The following GPLD1 variants were observed in gnomAD, a reference collection of about 807,000 sequenced individuals.
GPLD1 encodes glycosylphosphatidylinositol specific phospholipase D1, also known as phosphatidylinositol-glycan-specific phospholipase D.
GPLD1 carries 84 observed loss-of-function variants against 112.6 expected under a neutral mutation model. That is an observed-to-expected ratio of 0.75 (90% CI 0.63 to 0.89). The LOEUF (loss-of-function observed/expected upper bound fraction) is 0.89. Among genes scored for constraint, GPLD1 ranks in the 40% least tolerant of loss-of-function variants. The pLI, the probability that GPLD1 is intolerant of heterozygous loss-of-function variation, is 0.00. For synonymous variants in GPLD1, 386 were observed against 403.8 expected (o/e 0.96, Z 0.53); for missense variants, 1,044 against 1,051.5 (o/e 0.99, Z 0.10).
chr6:24,462,664 C>T, intron 11 of GPLD1, 66 bp downstream of exon 11: 4 of 1,008,456 alleles, frequency 4.0e-6, no homozygotes, highest in Non-Finnish European at 4.8e-6. Context: ...GTGTTCTCAA[C>T]CTCTATAGGG....
intron 22 of GPLD1, among the ~76,000 whole-genome samples, chr6:24,435,214 T>C (rs1762531873): frequency 6.6e-6 from 1 of 151,664 alleles, no homozygotes; most frequent in Non-Finnish European, 1.5e-5. Flanking sequence ...GGTTTCACAG[T>C]GTTAGCCAGG....
chr6:24,431,694 C>T (rs111814928), intron 24 of GPLD1, among the ~76,000 whole-genome samples: 17,196 of 151,762 alleles, frequency 0.11, 1,320 homozygotes, highest in East Asian at 0.15. Flanking sequence ...ACCACCACGC[C>T]GGGCTATTTT....
rs770856721 is a variant in GPLD1 at position 24,460,307 on chromosome 6, A to T, written c.980T>A (p.Val327Glu). 1.2e-5 allele frequency: 19 copies of T among 1,613,174 alleles called. No individual in the cohort carries two copies. The highest frequency in any genetic ancestry group is 1.6e-5 in the Non-Finnish European group (19 of 1,179,588). ...DRNINYTERGVFFSVNSWTPD... is the reference protein window; with the variant it reads ...DRNINYTERGEFFSVNSWTPD... Reference sequence around the variant, plus strand: ...GGTCCAGGAATTTACACTAAAGAACACTCCTCTTTCAGTATAGTTTATATT... The same window carrying T: ...GGTCCAGGAATTTACACTAAAGAACTCTCCTCTTTCAGTATAGTTTATATT... The change falls in exon 12 of 25, where the codon GTG (valine) becomes GAG (glutamate). Residue 327 changes from valine (V) to glutamate (E), a missense_variant. Transcript: ENST00000230036.
In GPLD1 at chr6:24,436,713, G is replaced by C; in HGVS notation, c.2221C>G (p.Leu741Val). 1 of 1,613,840 alleles carries C rather than the reference G, an allele frequency of 6.2e-7. No individual in the cohort carries two copies. The highest frequency in any genetic ancestry group is 1.1e-5 in the South Asian group (1 of 91,010). ...GLDEIIMAAP[L>V]RIADVTSGLI... ...CCAGAGGTTACATCTGCTATCCTCA[G>C]GGGGGCTGCCATGATGATTTCATCT... The change falls in exon 22 of 25, where the codon CTG becomes GTG. Residue 741 changes from leucine (L) to valine (V), a missense_variant. Transcript: ENST00000230036.
intron 10 of GPLD1, among the ~76,000 whole-genome samples, chr6:24,465,924 C>G (rs1318613072): frequency 6.6e-6 from 1 of 152,102 alleles, no homozygotes; most frequent in Non-Finnish European, 1.5e-5. Context: ...GGTGAGGTAT[C>G]CTTTGACACC....
intron 2 of GPLD1, among the ~76,000 whole-genome samples, chr6:24,482,075 A>G (rs931765143): frequency 2.0e-5 from 3 of 151,130 alleles, no homozygotes; most frequent in Non-Finnish European, 4.4e-5. Flanking sequence ...TGTATCCTTC[A>G]GATATTAAAA....
At chr6:24,451,335 T>TTTTTTG (rs1337045773) in intron 14 of GPLD1, among the ~76,000 whole-genome samples, 1 of 74,028 alleles carries the variant, frequency 1.4e-5, no homozygotes, top group African/African-American at 3.2e-5. Flanking sequence ...TCTTTCTCTT[T>TTTTTTG]TTTTTGTTTT....
intron 17 of GPLD1, 45 bp from the exon 18 acceptor site, chr6:24,447,024 G>C (rs746214352): frequency 6.5e-7 from 1 of 1,544,132 alleles, no homozygotes; most frequent in Non-Finnish European, 8.8e-7. Flanking sequence ...TTAAGTGAGA[G>C]GACTACTGGG....
At chr6:24,441,326 T>C (rs1183898965) in intron 20 of GPLD1, among the ~76,000 whole-genome samples, 2 of 150,984 alleles carry the variant, frequency 1.3e-5, no homozygotes, top group Non-Finnish European at 3.0e-5. Flanking sequence ...AAAAAAAGTA[T>C]ATCAAAAATC....
At chr6:24,440,698 G>A (rs1219602404) in intron 20 of GPLD1, among the ~76,000 whole-genome samples, 3 of 145,688 alleles carry the variant, frequency 2.1e-5, no homozygotes, top group South Asian at 2.2e-4. Flanking sequence ...GGCCAGCCTC[G>A]GCAACATAGC....
intron 2 of GPLD1, among the ~76,000 whole-genome samples, chr6:24,480,232 T>C (rs1238039042): frequency 6.6e-6 from 1 of 151,948 alleles, no homozygotes; most frequent in Non-Finnish European, 1.5e-5. Flanking sequence ...TTAAATTTCA[T>C]CTTCTTTCAT....
At chr6:24,436,464 AC>A in intron 22 of GPLD1, 111 bp downstream of exon 22, 1 of 864,516 alleles carries the variant, frequency 1.2e-6, no homozygotes, top group Non-Finnish European at 1.8e-6. Flanking sequence ...TGGTGTCCTG[AC>A]CCTAGGAGGT....
chr6:24,438,231 G>C (rs138749955), intron 20 of GPLD1, among the ~76,000 whole-genome samples: 1 of 152,334 alleles, frequency 6.6e-6, no homozygotes, highest in East Asian at 1.9e-4. Context: ...ACCTAGCATG[G>C]TGCTTGGTTC....
At chr6:24,436,133 G>A (rs745696153) in intron 22 of GPLD1, among the ~76,000 whole-genome samples, 2 of 152,074 alleles carry the variant, frequency 1.3e-5, no homozygotes, top group Non-Finnish European at 1.5e-5. Context: ...GCACATGCCT[G>A]TAGTCCTAGC....
At chr6:24,435,294 A>G (rs1027931443) in intron 22 of GPLD1, among the ~76,000 whole-genome samples, 39 of 152,166 alleles carry the variant, frequency 2.6e-4, no homozygotes, top group African/African-American at 8.9e-4. Context: ...TACAGGCGTG[A>G]GCCACTGCGC....
intron 12 of GPLD1, among the ~76,000 whole-genome samples, chr6:24,457,621 G>T (rs1032092852): frequency 6.6e-6 from 1 of 152,002 alleles, no homozygotes; most frequent in Non-Finnish European, 1.5e-5. Context: ...GGTGGCTCAC[G>T]CCTATAATCC....
chr6:24,440,581 CAAAAA>C (rs58480061), intron 20 of GPLD1, among the ~76,000 whole-genome samples: 1 of 118,532 alleles, frequency 8.4e-6, no homozygotes, highest in Non-Finnish European at 1.8e-5. Flanking sequence ...AAAAAATACT[CAAAAA>C]AAAAAAAAAA....
intron 1 of GPLD1, 117 bp downstream of exon 1, chr6:24,489,298 C>T (rs1344652158): frequency 1.3e-6 from 1 of 741,276 alleles, no homozygotes; most frequent in Non-Finnish European, 2.3e-6. Context: ...TCAGGCCACT[C>T]AGCTCAGTGC....
chr6:24,463,065 C>T (rs1763488937), intron 10 of GPLD1, among the ~76,000 whole-genome samples: 1 of 152,156 alleles, frequency 6.6e-6, no homozygotes, highest in Non-Finnish European at 1.5e-5. Flanking sequence ...CTGAGCTGTT[C>T]CACGCTAACA....
Sources: allele counts gnomAD v4.1 joint callset (sites outside exome capture counted in the v4.1 genomes callset), GRCh38; gene constraint gnomAD v4.1.1; transcripts MANE v1.5; gene names NCBI Gene and HGNC (gene_info 2026-07-23, HGNC 2026-07-21).